STARD9: variants seen among roughly 807,000 people sequenced by gnomAD.
STARD9 encodes the protein StAR related lipid transfer domain containing 9, also known as stAR-related lipid transfer protein 9.
In STARD9, 346 loss-of-function variants were observed where a neutral mutation model predicts 399.8. That is an observed-to-expected ratio of 0.87 (90% CI 0.79 to 0.95). The LOEUF (loss-of-function observed/expected upper bound fraction) is 0.95. Among genes scored for constraint, STARD9 ranks in the 40% least tolerant of loss-of-function variants. The pLI is 0.00. For synonymous variants in STARD9, 2,203 were observed against 2,143.5 expected, an observed-to-expected ratio of 1.03 and a Z score of -0.77; for missense variants, 5,832 against 5,667.5, an observed-to-expected ratio of 1.03 and a Z score of -0.93.
intron 9 of STARD9, among the ~76,000 whole-genome samples, chr15:42,656,829 G>A (rs761473435): frequency 6.6e-6 from 1 of 152,068 alleles, no homozygotes; most frequent in Non-Finnish European, 1.5e-5. Context: ...GCATAAGGAC[G>A]CAACAGCATA....
chr15:42,676,639 T>G (rs576700009), intron 20 of STARD9, among the ~76,000 whole-genome samples: 5 of 152,350 alleles, frequency 3.3e-5, no homozygotes, highest in African/African-American at 1.2e-4. Context: ...TTCATCCGTT[T>G]CTACATAAAA....
At chr15:42,609,473 C>A (rs1052711767) in intron 3 of STARD9, among the ~76,000 whole-genome samples, 17 of 150,576 alleles carry the variant, frequency 1.1e-4, no homozygotes, top group African/African-American at 4.2e-4. Context: ...TGGAGTCTTG[C>A]TCTGTCACCA....
chr15:42,601,397 T>C (rs1350261585), intron 3 of STARD9, among the ~76,000 whole-genome samples: 1 of 151,118 alleles, frequency 6.6e-6, no homozygotes, highest in South Asian at 2.1e-4. Context: ...CCCGACGGGG[T>C]GGCGGCCGGG....
chr15:42,640,818 C>CAAAAAA (rs34006967), intron 7 of STARD9, among the ~76,000 whole-genome samples: 9 of 83,580 alleles, frequency 1.1e-4, no homozygotes, highest in Non-Finnish European at 1.5e-4. Context: ...GACTCCGTCT[C>CAAAAAA]AAAAAAAAAA....
chr15:42,631,995 T>C (rs980067854), intron 3 of STARD9, among the ~76,000 whole-genome samples: 3 of 152,206 alleles, frequency 2.0e-5, no homozygotes, highest in Admixed American at 6.5e-5. Context: ...CATTTCTTTG[T>C]TGATTTTCTG....
chr15:42,717,206 C>T (rs2061366632), intron 28 of STARD9, among the ~76,000 whole-genome samples, 158 bp downstream of exon 28: 1 of 152,102 alleles, frequency 6.6e-6, no homozygotes, highest in South Asian at 2.1e-4. Flanking sequence ...GAATTCGGGT[C>T]AGGCGCAGTA....
chr15:42,690,310 G>A lies in STARD9; in HGVS notation c.8732G>A (p.Gly2911Glu), dbSNP rs746780010. 6.5e-6 allele frequency: 10 copies of A among 1,537,164 alleles called. No individual in the cohort carries two copies. Among genetic ancestry groups the A allele is most frequent in the African/African-American group, 1.4e-5 (1 of 73,052 alleles). Residue 2911 changes from glycine (G) to glutamate (E), a missense_variant, in exon 23 of 33, where the codon GGA becomes GAA. By Grantham distance (98) the Gly-to-Glu change is moderately conservative. This residue lies in a region of STARD9 where 5,828 missense variants were observed against 5,651.1 expected (regional missense o/e 1.03). Coordinates refer to ENST00000290607, the MANE Select transcript of STARD9 (RefSeq NM_020759.3). ...PDQRPSANPG[G>E]IGEEAPCRHP... ...CAAAGACCAAGCGCAAATCCTGGGGGAATTGGGGAGGAAGCCCCATGTAGA... is the reference window on the plus strand; with the variant it reads ...CAAAGACCAAGCGCAAATCCTGGGGAAATTGGGGAGGAAGCCCCATGTAGA...
intron 20 of STARD9, 119 bp downstream of exon 20, chr15:42,676,094 C>T (rs1313712317): frequency 1.3e-5 from 10 of 795,250 alleles, no homozygotes; most frequent in Non-Finnish European, 1.6e-5. Context: ...TCTGAATGAG[C>T]CCTTGTCTGA....
intron 26 of STARD9, among the ~76,000 whole-genome samples, chr15:42,711,139 CTT>C (rs1253145945): frequency 2.6e-4 from 37 of 139,984 alleles, no homozygotes; most frequent in Admixed American, 4.3e-4. Context: ...TACCACATAA[CTT>C]TTTTTTTTTT....
chr15:42,691,923 A>G lies in STARD9; in HGVS notation c.10345A>G (p.Asn3449Asp). 1 of 1,537,214 alleles carries G rather than the reference A, an allele frequency of 6.5e-7. No individual in the cohort carries two copies. The highest frequency in any genetic ancestry group is 8.7e-7 in the Non-Finnish European group (1 of 1,146,908). The change falls in exon 23 of 33, where the codon AAT becomes GAT. Residue 3449 changes from asparagine to aspartate, a missense_variant. Physicochemically the swap from Asn to Asp is conservative, Grantham distance 23. Transcript: ENST00000290607. Reference sequence around the variant, plus strand: ...ACTGGGTGTCCAGGTTAGGCCAGAAAATTGGTGCTCTCAGATGGACAAAGG... The same window carrying G: ...ACTGGGTGTCCAGGTTAGGCCAGAAGATTGGTGCTCTCAGATGGACAAAGG... ...EKLGVQVRPE[N>D]WCSQMDKGML... is the part of the protein sequence containing the mutation.
In STARD9 at chr15:42,575,642, G is replaced by A. The variant is rs1021757732; in HGVS notation, c.-74G>A. The A allele has an allele frequency of 2.0e-6, 3 of 1,491,220 alleles. No homozygotes were observed. The highest frequency in any genetic ancestry group is 2.7e-6 in the Non-Finnish European group (3 of 1,107,744). 92.4% of individuals were successfully genotyped at this position (1,491,220 alleles called of 1,614,324 possible). A position where few individuals can be genotyped will look rare whatever the true frequency, so the allele number is the denominator to read the frequency against. ...GGGCGGGCGGGGCTGGGTTGGGGCT[G>A]TGTCTGGGCTTAGGGCGGGGGCCTG... On this transcript the variant is annotated 5_prime_UTR_variant, in exon 1 of 33. The change creates a new upstream start codon in the 5' untranslated region. Coordinates refer to ENST00000290607, the MANE Select transcript of STARD9 (RefSeq NM_020759.3).
At chr15:42,695,475 C>CT (rs1387282632) in intron 25 of STARD9, among the ~76,000 whole-genome samples, 152 bp downstream of exon 25, 1 of 152,224 alleles carries the variant, frequency 6.6e-6, no homozygotes, top group Non-Finnish European at 1.5e-5. Context: ...GGCTCACTGT[C>CT]TTTTTACATC....
intron 26 of STARD9, among the ~76,000 whole-genome samples, chr15:42,712,092 TA>T (rs2061243041): frequency 0.024 from 2 of 82 alleles, 1 homozygote; most frequent in Admixed American, 0.5. Context: ...TATATATATA[TA>T]TATAATATAT....
intron 26 of STARD9, among the ~76,000 whole-genome samples, chr15:42,713,806 T>TTG (rs2061297360): frequency 1.3e-5 from 2 of 152,054 alleles, no homozygotes; most frequent in African/African-American, 4.8e-5. Flanking sequence ...TGTTGAGGAT[T>TTG]TGTGTGTGTG....
rs763043649 is a variant in STARD9, at chr15:42,638,054, C to T, written c.413C>T (p.Ala138Val). ...CTCTTCGTCAGGGAGAAAGACTGTG[C>T]CTCACTGCCTTCCTCCTGTAGGATA... ...EGLFVREKDCASLPSSCRIKV... is the reference protein window; with the variant it reads ...EGLFVREKDCVSLPSSCRIKV... The change falls in exon 6 of 33, where the codon GCC (alanine) becomes GTC (valine). Residue 138 changes from alanine to valine, a missense_variant. Around this residue, in one of 2 missense-constraint regions of STARD9, gnomAD observed 5,828 missense variants for 5,651.1 expected, o/e 1.03. Transcript: ENST00000290607. 6 of 1,537,324 alleles carry T rather than the reference C, an allele frequency of 3.9e-6. No individual in the cohort carries two copies. The Middle Eastern group carries it at 5.0e-4, about 129-fold the overall frequency.
intron 3 of STARD9, among the ~76,000 whole-genome samples, chr15:42,603,623 A>G (rs1213855631): frequency 6.6e-6 from 1 of 152,084 alleles, no homozygotes; most frequent in Non-Finnish European, 1.5e-5. Context: ...CAGTCTCCCC[A>G]AATATGTGGA....
intron 3 of STARD9, among the ~76,000 whole-genome samples, chr15:42,599,215 C>G (rs564176090): frequency 1.3e-5 from 2 of 152,142 alleles, no homozygotes; most frequent in Admixed American, 1.3e-4. Context: ...CCACCATGCC[C>G]GGCGTATACT....
At position 42,585,623 on chromosome 15, in the gene STARD9, G is replaced by A; in HGVS notation, c.220G>A (p.Ala74Thr). The A allele has an allele frequency of 6.5e-7, 1 of 1,530,946 alleles. No homozygotes were observed. Among genetic ancestry groups the A allele is most frequent in the Non-Finnish European group, 8.8e-7 (1 of 1,141,252 alleles). 94.8% of individuals were successfully genotyped at this position (1,530,946 alleles called of 1,614,324 possible). A position where few individuals can be genotyped will look rare whatever the true frequency, so the allele number is the denominator to read the frequency against. The change falls in exon 3 of 33, where the codon GCA becomes ACA. Residue 74 changes from alanine to threonine, a missense_variant. By Grantham distance (58) the Ala-to-Thr change is moderately conservative. Coordinates refer to ENST00000290607, the MANE Select transcript of STARD9 (RefSeq NM_020759.3). ...AGTCAACCCAGAGGATCCCCAGTATGCATCTCAAGATGTGGTAATATCATT... is the reference window on the plus strand; with the variant it reads ...AGTCAACCCAGAGGATCCCCAGTATACATCTCAAGATGTGGTAATATCATT... ...WSVNPEDPQY[A>T]SQDVVFQDLG... is the part of the protein sequence containing the mutation.
chr15:42,719,282 T>TAC (rs1465274727), intron 32 of STARD9, among the ~76,000 whole-genome samples, 191 bp from the exon 33 acceptor site: 1 of 152,148 alleles, frequency 6.6e-6, no homozygotes, highest in Non-Finnish European at 1.5e-5. Context: ...CCTTGACTTG[T>TAC]ACTTTGTCAC....
Sources: allele counts gnomAD v4.1 joint callset (sites outside exome capture counted in the v4.1 genomes callset), GRCh38; gene constraint gnomAD v4.1.1; regional missense constraint gnomAD v4.1.1; transcripts MANE v1.5; gene names NCBI Gene and HGNC (gene_info 2026-07-23, HGNC 2026-07-21).